IKZF1: variants seen among roughly 807,000 people sequenced by gnomAD.
The protein encoded by IKZF1 is DNA-binding protein Ikaros.
Under a neutral mutation model 51.7 loss-of-function variants are expected in IKZF1, and 10 were observed. That is an observed-to-expected ratio of 0.19 (90% CI 0.12 to 0.33). IKZF1 has a LOEUF of 0.33. IKZF1 is among the 10% of genes least tolerant of loss of function. IKZF1 has a pLI of 1.00. For missense variants in IKZF1, 484 were observed against 707.5 expected, an observed-to-expected ratio of 0.68 and a Z score of 3.58; for synonymous variants, 280 against 282.3, an observed-to-expected ratio of 0.99 and a Z score of 0.08.
At chr7:50,326,017 T>C (rs1794912032) in intron 2 of IKZF1, among the ~76,000 whole-genome samples, 1 of 152,244 alleles carries the variant, frequency 6.6e-6, no homozygotes, top group African/African-American at 2.4e-5. Flanking sequence ...TAAGCTGGAA[T>C]ATTAAATTGT....
chr7:50,383,336 C>T (rs1353285367), intron 5 of IKZF1, among the ~76,000 whole-genome samples: 1 of 152,188 alleles, frequency 6.6e-6, no homozygotes, highest in Non-Finnish European at 1.5e-5. Flanking sequence ...GGAGTCTTGA[C>T]AAGATCATCA....
intron 5 of IKZF1, among the ~76,000 whole-genome samples, chr7:50,385,865 A>G (rs1813234052): frequency 6.6e-6 from 1 of 152,250 alleles, no homozygotes; most frequent in Admixed American, 6.5e-5. Flanking sequence ...ACATCACTTT[A>G]TATAGATAAA....
At chr7:50,359,234 C>T (rs560488115) in intron 3 of IKZF1, among the ~76,000 whole-genome samples, 55 of 152,252 alleles carry the variant, frequency 3.6e-4, no homozygotes, top group African/African-American at 1.3e-3. Context: ...GCACTACAGC[C>T]TGGGCCACAG....
intron 3 of IKZF1, among the ~76,000 whole-genome samples, chr7:50,356,837 G>T (rs1803555826): frequency 6.6e-6 from 1 of 152,100 alleles, no homozygotes; most frequent in Admixed American, 6.5e-5. Flanking sequence ...CAATCGCTGT[G>T]CTTGGGCCCT....
chr7:50,313,386 G>T (rs1790664186), intron 1 of IKZF1, among the ~76,000 whole-genome samples: 2 of 152,144 alleles, frequency 1.3e-5, no homozygotes. Flanking sequence ...CACTTGTCAG[G>T]GAGGAAAAAG....
At chr7:50,386,036 C>T (rs1386103157) in intron 5 of IKZF1, among the ~76,000 whole-genome samples, 1 of 152,126 alleles carries the variant, frequency 6.6e-6, no homozygotes, top group Non-Finnish European at 1.5e-5. Context: ...ATGCTCTTAA[C>T]TTTTATACAA....
intron 2 of IKZF1, among the ~76,000 whole-genome samples, chr7:50,320,018 G>A (rs1332808008): frequency 6.6e-6 from 1 of 152,152 alleles, no homozygotes; most frequent in Non-Finnish European, 1.5e-5. Context: ...CATGGAACTG[G>A]AGATAGATCT....
chr7:50,327,971 C>G, intron 3 of IKZF1: 5 of 540,450 alleles, frequency 9.3e-6, no homozygotes, highest in Non-Finnish European at 1.6e-5. Flanking sequence ...GAGCCACACA[C>G]CCCGCAAAAT....
At chr7:50,361,103 C>G (rs1226956541) in intron 3 of IKZF1, among the ~76,000 whole-genome samples, 1 of 152,232 alleles carries the variant, frequency 6.6e-6, no homozygotes, top group Non-Finnish European at 1.5e-5. Flanking sequence ...CTGACAAGAG[C>G]CTTCCTATCT....
Position 50,400,790 on chromosome 7 carries a change from GT to G in IKZF1, c.*166del. 2 of 915,354 alleles carry G rather than the reference GT, an allele frequency of 2.2e-6. No homozygotes were observed. The highest frequency in any genetic ancestry group is 3.5e-5 in the South Asian group (2 of 57,144). The allele number at this position is 915,354 out of a possible 1,614,324, so 56.7% of individuals were successfully genotyped here. A position where few individuals can be genotyped will look rare whatever the true frequency, so the allele number is the denominator to read the frequency against. ...TTTTTGTTTGAGTTGGTTGATTGGGGTTTGATTTGCTTTTGAAAAGATTTTT... is the reference window on the plus strand; with the variant it reads ...TTTTTGTTTGAGTTGGTTGATTGGGGTTGATTTGCTTTTGAAAAGATTTTT... On this transcript the variant is annotated 3_prime_UTR_variant, in exon 8 of 8. Coordinates refer to ENST00000331340, the MANE Select transcript of IKZF1 (RefSeq NM_006060.6). The surrounding 1 kb of genome is among the most constrained non-coding windows in gnomAD (Gnocchi z 5.4).
chr7:50,327,901 C>G lies in IKZF1; in HGVS notation c.160+144C>G, dbSNP rs540612528. 16 of 975,742 alleles carry G rather than the reference C, an allele frequency of 1.6e-5. No individual in the cohort carries two copies. In the Admixed American group the frequency reaches 2.1e-4, roughly 13 times the overall value. 60.4% of individuals were successfully genotyped at this position (975,742 alleles called of 1,614,324 possible). On this transcript the variant is annotated intron_variant, in intron 3 of 7. Transcript: ENST00000331340. ...TAAAGAAATATGGCACAAAGATCAGCAGGATGGGGGTCCTCTGGTGTGTGG... is the reference window on the plus strand; with the variant it reads ...TAAAGAAATATGGCACAAAGATCAGGAGGATGGGGGTCCTCTGGTGTGTGG...
chr7:50,380,313 G>A (rs746462311), intron 4 of IKZF1, among the ~76,000 whole-genome samples: 8 of 152,220 alleles, frequency 5.3e-5, no homozygotes, highest in Non-Finnish European at 1.2e-4. Flanking sequence ...ATCAGACACT[G>A]CAGGATCCAA....
intron 3 of IKZF1, among the ~76,000 whole-genome samples, chr7:50,355,999 G>A (rs983018692): frequency 4.6e-5 from 7 of 152,192 alleles, no homozygotes; most frequent in African/African-American, 7.2e-5. Context: ...TTATCTCCAC[G>A]AACAGAAAAT....
At chr7:50,343,180 C>T (rs1799496552) in intron 3 of IKZF1, among the ~76,000 whole-genome samples, 1 of 112,968 alleles carries the variant, frequency 8.9e-6, no homozygotes. Flanking sequence ...CCCACCCTCC[C>T]TCCCTTCCCC....
At chr7:50,388,669 G>A (rs1814120684) in intron 6 of IKZF1, 1 of 152,230 alleles carries the variant, frequency 6.6e-6, no homozygotes, top group Non-Finnish European at 1.5e-5. Context: ...GTGAGTGGAA[G>A]AGAAGAAACT....
At position 50,404,153 on chromosome 7, in the gene IKZF1, C is replaced by CT; in HGVS notation, c.*3529dup. Reference sequence around the variant, plus strand: ...TTAATATGCAATATTGTTTCCAATACTTTCTAATACAGTTTTTTATAATGT... The same window carrying CT: ...TTAATATGCAATATTGTTTCCAATACTTTTCTAATACAGTTTTTTATAATGT... On this transcript the variant is annotated 3_prime_UTR_variant, in exon 8 of 8. Coordinates refer to ENST00000331340, the MANE Select transcript of IKZF1 (RefSeq NM_006060.6). 1 of 214,794 alleles carries CT rather than the reference C, an allele frequency of 4.7e-6. No homozygotes were observed. The highest frequency in any genetic ancestry group is 2.3e-5 in the African/African-American group (1 of 44,382). The allele number at this position is 214,794 out of a possible 1,614,324, so 13.3% of individuals were successfully genotyped here.
chr7:50,397,991 T>C (rs557399828), intron 7 of IKZF1, among the ~76,000 whole-genome samples: 52 of 152,354 alleles, frequency 3.4e-4, no homozygotes, highest in African/African-American at 1.3e-3. Flanking sequence ...CTTTATGGTA[T>C]AATGGGGCAT....
chr7:50,305,044 C>T (rs1788447930), intron 1 of IKZF1, 122 bp downstream of exon 1: 1 of 152,490 alleles, frequency 6.6e-6, no homozygotes, highest in Non-Finnish European at 1.5e-5. Flanking sequence ...TCAGGTCCGC[C>T]TCTCTTTTCT....
chr7:50,358,611 T>C (rs1212125077), intron 3 of IKZF1, among the ~76,000 whole-genome samples: 1 of 152,208 alleles, frequency 6.6e-6, no homozygotes, highest in Non-Finnish European at 1.5e-5. Context: ...GCAGAGGCCG[T>C]CTGTAAACAC....
Sources: allele counts gnomAD v4.1 joint callset (sites outside exome capture counted in the v4.1 genomes callset), GRCh38; gene constraint gnomAD v4.1.1; non-coding constraint Gnocchi (gnomAD v3.1); transcripts MANE v1.5; gene names NCBI Gene and HGNC (gene_info 2026-07-23, HGNC 2026-07-21).